Variants in ECT2 observed in about 807,000 individuals in gnomAD.
The protein encoded by ECT2 is epithelial cell transforming 2.
Under a neutral mutation model 116.9 loss-of-function variants are expected in ECT2, and 61 were observed. That is an observed-to-expected ratio of 0.52 (90% CI 0.42 to 0.65). The LOEUF (loss-of-function observed/expected upper bound fraction) is 0.65, where lower values mean the gene tolerates loss of function less well. ECT2 is among the 30% of genes least tolerant of loss of function. The probability of loss-of-function intolerance (pLI) is 0.00; values close to 1 mark genes in which losing one functional copy is unlikely to be tolerated. For synonymous variants in ECT2, 358 were observed against 346.4 expected, an observed-to-expected ratio of 1.03 and a Z score of -0.37; for missense variants, 937 against 1,078.7, an observed-to-expected ratio of 0.87 and a Z score of 1.84.
At chr3:172,803,451 G>A (rs925216211) in intron 20 of ECT2, among the ~76,000 whole-genome samples, 12 of 152,026 alleles carry the variant, frequency 7.9e-5, no homozygotes, top group African/African-American at 2.4e-4. Flanking sequence ...AGTGAATGAG[G>A]GGTCAGGTGG....
chr3:172,762,828 T>C (rs200765639), intron 10 of ECT2, 22 bp downstream of exon 10: 10 of 1,609,682 alleles, frequency 6.2e-6, no homozygotes, highest in South Asian at 3.3e-5. Flanking sequence ...TAGAATGAGG[T>C]TGGTTTTTAA....
At chr3:172,759,301 A>G (rs190839906) in intron 6 of ECT2, among the ~76,000 whole-genome samples, 120 of 152,296 alleles carry the variant, frequency 7.9e-4, no homozygotes, top group Admixed American at 1.8e-3. Flanking sequence ...TTTCATAGCA[A>G]TTCTGTTTGA....
chr3:172,765,769 C>G (rs1576872326), intron 12 of ECT2, among the ~76,000 whole-genome samples: 1 of 152,072 alleles, frequency 6.6e-6, no homozygotes, highest in Admixed American at 6.5e-5. Context: ...GTAATCTTGC[C>G]CTCATCTGCC....
intron 21 of ECT2, among the ~76,000 whole-genome samples, chr3:172,807,291 A>G (rs1727941665): frequency 6.6e-6 from 1 of 152,164 alleles, no homozygotes; most frequent in South Asian, 2.1e-4. Flanking sequence ...TACAGATACA[A>G]TCTGTTTTCT....
chr3:172,766,435 A>G (rs2108390836), intron 12 of ECT2, among the ~76,000 whole-genome samples: 1 of 152,370 alleles, frequency 6.6e-6, no homozygotes, highest in African/African-American at 2.4e-5. Context: ...GATAATTCAT[A>G]GAGAGTTGTT....
At chr3:172,775,925 TCCTGTC>T (rs1667361949) in intron 14 of ECT2, among the ~76,000 whole-genome samples, 2 of 152,160 alleles carry the variant, frequency 1.3e-5, no homozygotes, top group South Asian at 4.1e-4. Context: ...TAAGTCACTG[TCCTGTC>T]AAGTAGGTTT....
At chr3:172,755,229 C>A in intron 2 of ECT2, 66 bp from the exon 3 acceptor site, 2 of 1,245,602 alleles carry the variant, frequency 1.6e-6, no homozygotes, top group Admixed American at 2.5e-5. Flanking sequence ...GCCAAAAGAG[C>A]GATAAGGACC....
At position 172,768,994 on chromosome 3, in the gene ECT2, T is replaced by C; in HGVS notation, c.1292-13T>C. 2.5e-6 allele frequency: 4 copies of C among 1,584,186 alleles called. No individual in the cohort carries two copies. The highest frequency in any genetic ancestry group is 3.4e-6 in the Non-Finnish European group (4 of 1,165,472). On this transcript the variant is annotated splice_polypyrimidine_tract_variant and intron_variant, in intron 12 of 24. Coordinates refer to ENST00000392692, the MANE Select transcript of ECT2 (RefSeq NM_001258315.2). Reference sequence around the variant, plus strand: ...TGGCTTCCATTAAATCTTTCCACCTTTTAACGTTTCAGACACCCCAAAGTC... The same window carrying C: ...TGGCTTCCATTAAATCTTTCCACCTCTTAACGTTTCAGACACCCCAAAGTC...
chr3:172,785,147 CT>C (rs1325653543), intron 17 of ECT2, among the ~76,000 whole-genome samples: 1 of 152,100 alleles, frequency 6.6e-6, no homozygotes, highest in African/African-American at 2.4e-5. Flanking sequence ...TATGTCCCGA[CT>C]TTTTTGTAGC....
intron 14 of ECT2, among the ~76,000 whole-genome samples, chr3:172,777,111 A>G (rs1467482479): frequency 6.6e-6 from 1 of 152,112 alleles, no homozygotes; most frequent in South Asian, 2.1e-4. Flanking sequence ...ACCTCAGGTA[A>G]TCTGCCTGCC....
Position 172,813,959 on chromosome 3 carries a change from A to C in ECT2, c.2401-1645A>C, listed in dbSNP as rs563482219. ...TCTTAAGAAATATACCAAAGTGTAG[A>C]TAGTAATTGATTAGGAGAGTTATGG... On this transcript the variant is annotated intron_variant, in intron 22 of 24. Coordinates refer to ENST00000392692, the MANE Select transcript of ECT2 (RefSeq NM_001258315.2). Among the ~76,000 whole-genome samples the C allele has an allele frequency of 2.0e-5, 3 of 152,286 alleles. No homozygotes were observed. In the South Asian group the frequency reaches 6.2e-4, roughly 32 times the overall value.
At chr3:172,818,644 T>G (rs1560036141) in intron 24 of ECT2, 1 of 1,289,346 alleles carries the variant, frequency 7.8e-7, no homozygotes, top group Admixed American at 2.3e-5. Context: ...TCAGTACTCC[T>G]GGTTTCAATC....
rs1718601939 is a variant in ECT2 at position 172,762,893 on chromosome 3, T to G, written c.1006-17T>G. Reference sequence around the variant, plus strand: ...TAAATGTAAACTGTTTATTAAAATGTTTTTTCTCTCACCTAGTGGTTCTGG... The same window carrying G: ...TAAATGTAAACTGTTTATTAAAATGGTTTTTCTCTCACCTAGTGGTTCTGG... On this transcript the variant is annotated splice_polypyrimidine_tract_variant and intron_variant, in intron 10 of 24. Coordinates refer to ENST00000392692, the MANE Select transcript of ECT2 (RefSeq NM_001258315.2). 6.2e-7 allele frequency: 1 copy of G among 1,613,210 alleles called. No individual in the cohort carries two copies. The highest frequency in any genetic ancestry group is 8.5e-7 in the Non-Finnish European group (1 of 1,179,584).
At chr3:172,757,388 T>C (rs1463691199) in intron 5 of ECT2, among the ~76,000 whole-genome samples, 1 of 151,424 alleles carries the variant, frequency 6.6e-6, no homozygotes, top group African/African-American at 2.4e-5. Flanking sequence ...ACTGTACATA[T>C]GCATATACAC....
Position 172,755,300 on chromosome 3 carries a change from A to G in ECT2, c.136A>G (p.Met46Val), listed in dbSNP as rs972402958. The G allele has an allele frequency of 3.7e-6, 6 of 1,600,416 alleles. No individual in the cohort carries two copies. In the African/African-American group the frequency reaches 8.1e-5, roughly 22 times the overall value. The change falls in exon 3 of 25, where the codon ATG (methionine) becomes GTG (valine). Residue 46 changes from methionine to valine, a missense_variant. Physicochemically the swap from Met to Val is conservative, Grantham distance 21. Coordinates refer to ENST00000392692, the MANE Select transcript of ECT2 (RefSeq NM_001258315.2). ...AACATTTTACATTTTAACAGAAGAG[A>G]TGCCTCAGATTGAAACAAGAGTGAT... ...IGSTSYVEEEMPQIETRVILV... is the reference protein window; with the variant it reads ...IGSTSYVEEEVPQIETRVILV...
At chr3:172,796,965 C>A (rs909040345) in intron 18 of ECT2, among the ~76,000 whole-genome samples, 1 of 151,152 alleles carries the variant, frequency 6.6e-6, no homozygotes, top group South Asian at 2.1e-4. Context: ...AGCCTTATTT[C>A]TTAAGGTAGC....
intron 18 of ECT2, among the ~76,000 whole-genome samples, chr3:172,790,825 A>AT (rs1724522726): frequency 6.6e-6 from 1 of 152,190 alleles, no homozygotes; most frequent in African/African-American, 2.4e-5. Context: ...TGAAAGGAAC[A>AT]TTTTTCTGAG....
intron 7 of ECT2, among the ~76,000 whole-genome samples, chr3:172,760,546 T>A (rs1341434558): frequency 1.3e-5 from 2 of 151,644 alleles, no homozygotes; most frequent in Non-Finnish European, 2.9e-5. Flanking sequence ...CCTCCCAAAG[T>A]GTTGAGATTA....
At chr3:172,794,751 G>A (rs1341184818) in intron 18 of ECT2, among the ~76,000 whole-genome samples, 3 of 152,162 alleles carry the variant, frequency 2.0e-5, no homozygotes, top group Non-Finnish European at 4.4e-5. Context: ...GAGTCTCAGT[G>A]TCACCCAGGC....
Sources: gnomAD v4.1 joint callset for allele counts (sites outside exome capture counted in the v4.1 genomes callset) on GRCh38, gnomAD v4.1.1 for gene constraint, MANE v1.5 for transcripts, NCBI Gene and HGNC (gene_info 2026-07-23, HGNC 2026-07-21) for gene names.